ALOX5: variants seen among roughly 807,000 people sequenced by gnomAD.
ALOX5 encodes the protein arachidonate 5-lipoxygenase.
Under a neutral mutation model 87.9 loss-of-function variants are expected in ALOX5, and 64 were observed. The ratio of observed to expected loss-of-function variants is 0.73; its 90% CI spans 0.60 to 0.90. The LOEUF (loss-of-function observed/expected upper bound fraction) is 0.90. ALOX5 is among the 40% of genes least tolerant of loss of function. ALOX5 has a pLI of 0.00. For missense variants in ALOX5, 822 were observed against 907.5 expected (o/e 0.91, Z 1.21); for synonymous variants, 388 against 355.1 (o/e 1.09, Z -1.04).
At chr10:45,374,911 T>C (rs761317224) in intron 1 of ALOX5, among the ~76,000 whole-genome samples, 3 of 152,046 alleles carry the variant, frequency 2.0e-5, no homozygotes, top group Non-Finnish European at 4.4e-5. Flanking sequence ...CTGTGAGCCG[T>C]GGGGAAGGGT....
intron 7 of ALOX5, among the ~76,000 whole-genome samples, chr10:45,436,796 T>C (rs898342897): frequency 6.6e-6 from 1 of 152,216 alleles, no homozygotes; most frequent in Non-Finnish European, 1.5e-5. Context: ...AAAATGATGT[T>C]GATAATTTGA....
In ALOX5 at chr10:45,443,342, T is replaced by G. The variant is rs1170227902; in HGVS notation, c.1452-74T>G. 3 of 1,590,848 alleles carry G rather than the reference T, an allele frequency of 1.9e-6. No homozygotes were observed. In the African/African-American group the frequency reaches 4.0e-5, roughly 21 times the overall value. On this transcript the variant is annotated intron_variant, in intron 10 of 13. Transcript: ENST00000374391. ...CGGGGTGGGGGAGTCCCAGCGTCCG[T>G]GAGGGGGTTGCCGCCGGGCACCGCT...
rs563269588 is a variant in ALOX5 at position 45,420,804 on chromosome 10, A to G, written c.555-3237A>G. On this transcript the variant is annotated intron_variant, in intron 4 of 13. Coordinates refer to ENST00000374391, the MANE Select transcript of ALOX5 (RefSeq NM_000698.5). ...GGAAAAGCTGGTAGCAGAAGGAAAGAGCAGGGAGACAGAGGTTAGGTGAAC... is the reference window on the plus strand; with the variant it reads ...GGAAAAGCTGGTAGCAGAAGGAAAGGGCAGGGAGACAGAGGTTAGGTGAAC... Among the ~76,000 whole-genome samples, 3 of 152,402 alleles carry G rather than the reference A, an allele frequency of 2.0e-5. No individual in the cohort carries two copies. In the East Asian group the frequency reaches 5.8e-4, roughly 29 times the overall value.
chr10:45,391,239 C>T (rs1343973517), intron 2 of ALOX5, among the ~76,000 whole-genome samples: 4 of 151,822 alleles, frequency 2.6e-5, no homozygotes, highest in Admixed American at 6.6e-5. Context: ...ATTGCAGGTG[C>T]GCACCGCCAC....
At chr10:45,418,699 A>G (rs1281150328) in intron 4 of ALOX5, among the ~76,000 whole-genome samples, 2 of 152,082 alleles carry the variant, frequency 1.3e-5, no homozygotes. Context: ...CAGCGGAGAG[A>G]GACTGTGGGC....
At chr10:45,400,872 A>G (rs1478491222) in intron 3 of ALOX5, among the ~76,000 whole-genome samples, 1 of 145,596 alleles carries the variant, frequency 6.9e-6, no homozygotes, top group Non-Finnish European at 1.5e-5. Context: ...ATTGGGTTAT[A>G]ATGATGGTTA....
intron 3 of ALOX5, among the ~76,000 whole-genome samples, chr10:45,411,295 C>G (rs893136252): frequency 5.3e-5 from 8 of 152,168 alleles, no homozygotes; most frequent in African/African-American, 1.7e-4. Context: ...TGCCCTGTAT[C>G]TTGCATCAAT....
intron 5 of ALOX5, among the ~76,000 whole-genome samples, chr10:45,424,415 C>T (rs55684518): frequency 0.017 from 2,641 of 152,290 alleles, 31 homozygotes; most frequent in Non-Finnish European, 0.025. Context: ...TCAAAAGTAT[C>T]AGAACTTTTT....
At position 45,443,076 on chromosome 10, in the gene ALOX5, G is replaced by A. The variant is rs757837007; in HGVS notation, c.1311G>A (p.Val437=). 6.2e-7 allele frequency: 1 copy of A among 1,613,554 alleles called. No homozygotes were observed. The highest frequency in any genetic ancestry group is 1.3e-5 in the African/African-American group (1 of 74,918). ...GGGGCGGTGGGCACGTGCAGATGGT[G>A]CAGAGGGCCATGAAGGACCTGACCT... ...ATGGGGHVQM[V]QRAMKDLTYA... The change falls in exon 10 of 14, where the codon GTG becomes GTA. Residue 437 remains valine, a synonymous_variant. Transcript: ENST00000374391.
At chr10:45,418,993 G>A (rs1269273467) in intron 4 of ALOX5, among the ~76,000 whole-genome samples, 1 of 152,232 alleles carries the variant, frequency 6.6e-6, no homozygotes, top group Middle Eastern at 3.2e-3. Context: ...TTCCTCCCAT[G>A]AGAATGGGCG....
Position 45,374,378 on chromosome 10 carries a change from C to T in ALOX5, c.99C>T (p.Ser33=). Residue 33 remains serine, a synonymous_variant, in exon 1 of 14, where the codon AGC becomes AGT. Transcript: ENST00000374391. ...GCCTCGTGGGCTCGGCGGGCTGCAG[C>T]GAGAAGCACCTGCTGGACAAGCCCT... ...YLSLVGSAGC[S]EKHLLDKPFY... 6.4e-7 allele frequency: 1 copy of T among 1,557,930 alleles called. No individual in the cohort carries two copies. The highest frequency in any genetic ancestry group is 1.2e-5 in the South Asian group (1 of 84,012).
chr10:45,414,695 A>G (rs1178717793), intron 4 of ALOX5, among the ~76,000 whole-genome samples: 1 of 152,260 alleles, frequency 6.6e-6, no homozygotes, highest in Admixed American at 6.5e-5. Context: ...CTCAGCTGAC[A>G]AAAGGCTGAT....
intron 1 of ALOX5, among the ~76,000 whole-genome samples, chr10:45,377,647 C>G (rs1237754932): frequency 6.6e-6 from 1 of 152,064 alleles, no homozygotes; most frequent in Non-Finnish European, 1.5e-5. Flanking sequence ...TTGTCTGGCC[C>G]CCAATCTTCC....
chr10:45,444,109 T>C lies in ALOX5; in HGVS notation c.1675-7T>C. 1 of 1,528,386 alleles carries C rather than the reference T, an allele frequency of 6.5e-7. No individual in the cohort carries two copies. The allele number at this position is 1,528,386 out of a possible 1,614,324, so 94.7% of individuals were successfully genotyped here. On this transcript the variant is annotated splice_polypyrimidine_tract_variant and splice_region_variant and intron_variant, in intron 12 of 13. Transcript: ENST00000374391. ...GTGCCCACGCTTGCTGGCGGTCGTC[T>C]CCGCAGTACGACTGGTGCTCCTGGA... is the stretch of plus-strand genomic sequence containing the variant.
Position 45,443,045 on chromosome 10 carries a change from C to T in ALOX5, c.1280C>T (p.Ala427Val). ...CTCTACCTCCCACTCCAGGCCAACG[C>T]CACAGGGGGCGGTGGGCACGTGCAG... ...CECGLFDKAN[A>V]TGGGGHVQMV... The change falls in exon 10 of 14, where the codon GCC (alanine) becomes GTC (valine). Residue 427 changes from alanine to valine, a missense_variant. Transcript: ENST00000374391. 2 of 1,612,262 alleles carry T rather than the reference C, an allele frequency of 1.2e-6. No individual in the cohort carries two copies. The highest frequency in any genetic ancestry group is 1.7e-6 in the Non-Finnish European group (2 of 1,179,264).
At chr10:45,442,881 T>C (rs1842283012) in intron 9 of ALOX5, 157 bp from the exon 10 acceptor site, 1 of 754,208 alleles carries the variant, frequency 1.3e-6, no homozygotes, top group African/African-American at 1.8e-5. Flanking sequence ...GCCCTTGTCA[T>C]TCTCTGCGTT....
chr10:45,415,474 T>A (rs1203171357), intron 4 of ALOX5, among the ~76,000 whole-genome samples: 2 of 152,018 alleles, frequency 1.3e-5, no homozygotes, highest in African/African-American at 4.8e-5. Context: ...TTAGGAGATA[T>A]ACCTAATTAG....
At chr10:45,398,644 T>TA (rs1473016366) in intron 3 of ALOX5, among the ~76,000 whole-genome samples, 1 of 152,086 alleles carries the variant, frequency 6.6e-6, no homozygotes, top group Non-Finnish European at 1.5e-5. Context: ...AAAGAACTCT[T>TA]ACAACTCAAT....
intron 2 of ALOX5, among the ~76,000 whole-genome samples, chr10:45,393,904 T>C (rs1336888107): frequency 6.6e-6 from 1 of 152,226 alleles, no homozygotes; most frequent in African/African-American, 2.4e-5. Flanking sequence ...ACAAGGGATG[T>C]GAAGGACCTC....
Sources: gnomAD v4.1 joint callset for allele counts (sites outside exome capture counted in the v4.1 genomes callset) on GRCh38, gnomAD v4.1.1 for gene constraint, MANE v1.5 for transcripts, NCBI Gene and HGNC (gene_info 2026-07-23, HGNC 2026-07-21) for gene names.